Variants in PPM1F observed in about 807,000 individuals in gnomAD.
The protein encoded by PPM1F is protein phosphatase 1F.
In PPM1F, 17 loss-of-function variants were observed where a neutral mutation model predicts 35.5. The observed-to-expected ratio is 0.48, with a 90% CI of 0.33 to 0.72. The LOEUF (loss-of-function observed/expected upper bound fraction) is 0.72, where lower values mean the gene tolerates loss of function less well. Among genes scored for constraint, PPM1F ranks in the 30% least tolerant of loss-of-function variants. The probability of loss-of-function intolerance (pLI) is 0.02; values close to 1 mark genes in which losing one functional copy is unlikely to be tolerated. For synonymous variants in PPM1F, 241 were observed against 255.5 expected (o/e 0.94, Z 0.54); for missense variants, 521 against 613.0 (o/e 0.85, Z 1.59).
intron 6 of PPM1F, chr22:21,925,929 G>C (rs2070508897): frequency 2.5e-6 from 1 of 398,942 alleles, no homozygotes; most frequent in Non-Finnish European, 4.5e-6. Flanking sequence ...CTGCGCCCCT[G>C]GGCAGCATTC....
rs768983378 is a variant in PPM1F, at chr22:21,933,510, C to T, written c.628G>A (p.Ala210Thr). Residue 210 changes from alanine (A) to threonine (T), a missense_variant, in exon 5 of 8, where the codon GCT (alanine) becomes ACT (threonine). Around this residue, in one of 3 missense-constraint regions of PPM1F, gnomAD observed 311 missense variants for 351.5 expected, o/e 0.88. Coordinates refer to ENST00000263212, the MANE Select transcript of PPM1F (RefSeq NM_014634.4). ...HGGVDAARYAAVHVHTNAARQ... is the reference protein window; with the variant it reads ...HGGVDAARYATVHVHTNAARQ... The stretch of plus-strand genomic sequence containing the variant: ...GCAGCGTTGGTGTGCACGTGGACAG[C>T]GGCGTACCTCGCAGCATCCACGCCT... 25 of 1,613,674 alleles carry T rather than the reference C, an allele frequency of 1.5e-5. No homozygotes were observed. Among genetic ancestry groups the T allele is most frequent in the East Asian group, 4.5e-5 (2 of 44,854 alleles).
intron 2 of PPM1F, chr22:21,940,473 C>CAAA (rs749859056): frequency 6.5e-4 from 85 of 130,124 alleles, no homozygotes; most frequent in South Asian, 2.9e-3. Flanking sequence ...ATGCTGTCTC[C>CAAA]AAAAAAAAAA....
intron 1 of PPM1F, chr22:21,952,579 G>A (rs1416815625): frequency 7.1e-6 from 1 of 139,868 alleles, no homozygotes; most frequent in African/African-American, 2.7e-5. Flanking sequence ...TGTCCGCAGC[G>A]GCCCCTCTTG....
chr22:21,932,423 A>C, intron 5 of PPM1F, among the ~76,000 whole-genome samples: 1 of 152,138 alleles, frequency 6.6e-6, no homozygotes, highest in Non-Finnish European at 1.5e-5. Flanking sequence ...TTTTCTATTG[A>C]GATGCAAAGC....
intron 1 of PPM1F, chr22:21,947,859 T>TA (rs897789807): frequency 1.3e-5 from 2 of 151,744 alleles, no homozygotes; most frequent in African/African-American, 4.8e-5. Context: ...AGCCTAAAGA[T>TA]AAAAAACACA....
At chr22:21,925,768 C>G in intron 6 of PPM1F, 106 bp from the exon 7 acceptor site, 2 of 847,364 alleles carry the variant, frequency 2.4e-6, no homozygotes, top group Non-Finnish European at 3.5e-6. Flanking sequence ...CAGCAGCATT[C>G]AAAGCCGCAG....
At chr22:21,942,839 A>G (rs2070739914) in intron 2 of PPM1F, 1 of 152,316 alleles carries the variant, frequency 6.6e-6, no homozygotes, top group Non-Finnish European at 1.5e-5. Flanking sequence ...GTCCCTGCAG[A>G]GCAGGCTCCT....
At chr22:21,927,932 TTTTTGTTTTG>T (rs1207091572) in intron 6 of PPM1F, among the ~76,000 whole-genome samples, 1 of 142,824 alleles carries the variant, frequency 7.0e-6, no homozygotes, top group African/African-American at 2.8e-5. Flanking sequence ...TTGATTCTGT[TTTTTGTTTTG>T]TTTTTTTTTT....
chr22:21,952,778 C>G lies in PPM1F; in HGVS notation c.-61+14G>C, dbSNP rs553325169. The G allele has an allele frequency of 6.6e-6, 1 of 152,394 alleles. No homozygotes were observed. The highest frequency in any genetic ancestry group is 1.5e-5 in the Non-Finnish European group (1 of 68,236). 9.4% of individuals were successfully genotyped at this position (152,394 alleles called of 1,614,324 possible). ...CCGTCAGCCCTCTAATCCCGTCCCC[C>G]CCGGCCTCCTCACCCCTGGTCTCCG... On this transcript the variant is annotated intron_variant, in intron 1 of 7. Coordinates refer to ENST00000263212, the MANE Select transcript of PPM1F (RefSeq NM_014634.4).
At chr22:21,933,912 G>C (rs2070626100) in intron 4 of PPM1F, 112 bp downstream of exon 4, 1 of 1,041,548 alleles carries the variant, frequency 9.6e-7, no homozygotes, top group Non-Finnish European at 1.4e-6. Context: ...GGGGCTGACG[G>C]GTGTCTCTCC....
At chr22:21,950,678 A>C (rs1472186213) in intron 1 of PPM1F, 1 of 152,046 alleles carries the variant, frequency 6.6e-6, no homozygotes, top group East Asian at 1.9e-4. Flanking sequence ...GCCGGAGTGC[A>C]GTGGCGCAAT....
rs374816475 is a variant in PPM1F at position 21,940,543 on chromosome 22, A to T, written c.207-863T>A. The T allele has an allele frequency of 1.1e-4, 16 of 152,346 alleles. No individual in the cohort carries two copies. The East Asian group carries it at 3.1e-3, about 29-fold the overall frequency. The allele number at this position is 152,346 out of a possible 1,614,324, so 9.4% of individuals were successfully genotyped here. On this transcript the variant is annotated intron_variant, in intron 2 of 7. Coordinates refer to ENST00000263212, the MANE Select transcript of PPM1F (RefSeq NM_014634.4). ...CACACACAGAGAGAATGCCAGGGGA[A>T]CATGAGGCAGAGACCTGGGGGATGA... is the stretch of plus-strand genomic sequence containing the variant.
At chr22:21,933,015 G>A (rs543514854) in intron 5 of PPM1F, among the ~76,000 whole-genome samples, 4 of 152,244 alleles carry the variant, frequency 2.6e-5, no homozygotes, top group African/African-American at 7.2e-5. Context: ...TCTGTGAGGC[G>A]TGGCCCCTCC....
intron 3 of PPM1F, chr22:21,938,182 G>T (rs759064315): frequency 3.8e-5 from 49 of 1,303,258 alleles, no homozygotes; most frequent in Non-Finnish European, 4.9e-5. Context: ...GCTGGTGCCG[G>T]CGCAGCAACG....
chr22:21,948,035 A>G (rs1412904209), intron 1 of PPM1F: 1 of 152,230 alleles, frequency 6.6e-6, no homozygotes, highest in Non-Finnish European at 1.5e-5. Context: ...AAGTGGACAC[A>G]TACAAATAAC....
chr22:21,934,421 C>T, intron 3 of PPM1F, 195 bp from the exon 4 acceptor site: 1 of 568,378 alleles, frequency 1.8e-6, no homozygotes. Context: ...GCAACTTGCC[C>T]CTTGAAGTCT....
At chr22:21,933,696 C>T (rs967284251) in intron 4 of PPM1F, 117 bp from the exon 5 acceptor site, 10 of 953,672 alleles carry the variant, frequency 1.0e-5, no homozygotes, top group Non-Finnish European at 1.6e-5. Context: ...CTTCGCCCGG[C>T]TTATGTGCGT....
chr22:21,946,138 CAG>C, intron 1 of PPM1F, 30 bp from the exon 2 acceptor site: 2 of 1,147,606 alleles, frequency 1.7e-6, no homozygotes, highest in Non-Finnish European at 2.4e-6. Flanking sequence ...TCAGCAGAAT[CAG>C]GGGGCCATGG....
chr22:21,933,998 C>T (rs1285779509), intron 4 of PPM1F, 26 bp downstream of exon 4: 28 of 1,525,236 alleles, frequency 1.8e-5, no homozygotes, highest in East Asian at 2.5e-5. Context: ...CGAAGCTGTC[C>T]CCAGGGTCTG....
Sources: gnomAD v4.1 joint callset for allele counts (sites outside exome capture counted in the v4.1 genomes callset) on GRCh38, gnomAD v4.1.1 for gene constraint, gnomAD v4.1.1 regional missense constraint, MANE v1.5 for transcripts, NCBI Gene and HGNC (gene_info 2026-07-23, HGNC 2026-07-21) for gene names.